SLC39A12: variants seen among roughly 807,000 people sequenced by gnomAD.
SLC39A12 encodes zinc transporter ZIP12.
Under a neutral mutation model 71.1 loss-of-function variants are expected in SLC39A12, and 63 were observed. The observed-to-expected ratio is 0.89, with a 90% CI of 0.72 to 1.09. SLC39A12 has a LOEUF of 1.09. SLC39A12 is among the 50% of genes least tolerant of loss of function. The pLI is 0.00. For missense variants in SLC39A12, 892 were observed against 812.6 expected, an observed-to-expected ratio of 1.10 and a Z score of -1.19; for synonymous variants, 351 against 301.3, an observed-to-expected ratio of 1.16 and a Z score of -1.71.
chr10:17,981,041 A>T (rs191899684), intron 5 of SLC39A12, among the ~76,000 whole-genome samples: 4 of 152,292 alleles, frequency 2.6e-5, no homozygotes, highest in Admixed American at 2.0e-4. Context: ...GTAAAACACA[A>T]TGTGTCTTTC....
intron 2 of SLC39A12, among the ~76,000 whole-genome samples, chr10:17,955,545 T>A (rs1834518933): frequency 6.6e-6 from 1 of 152,198 alleles, no homozygotes; most frequent in African/African-American, 2.4e-5. Flanking sequence ...TGTTCTGTCA[T>A]CTGAGGGACT....
intron 7 of SLC39A12, among the ~76,000 whole-genome samples, chr10:17,990,644 A>T (rs537872351): frequency 5.9e-5 from 9 of 152,104 alleles, no homozygotes; most frequent in Non-Finnish European, 1.2e-4. Context: ...GTCATACAGT[A>T]TGCTCCCAAA....
intron 12 of SLC39A12, among the ~76,000 whole-genome samples, chr10:18,039,799 T>C (rs191242941): frequency 1.4e-4 from 22 of 152,286 alleles, no homozygotes; most frequent in Admixed American, 9.8e-4. Context: ...TACCATCAAA[T>C]GCAAGCTCTT....
chr10:17,961,561 G>A lies in SLC39A12; in HGVS notation c.262-20G>A, dbSNP rs781945465. The stretch of plus-strand genomic sequence containing the variant: ...GCTAAGCTTTGTTTCTTTTGTTGTT[G>A]TTATTGTTTTCTTCCACAGTGCTTT... On this transcript the variant is annotated intron_variant, in intron 2 of 12. Coordinates refer to ENST00000377369, the MANE Select transcript of SLC39A12 (RefSeq NM_001145195.2). 6.3e-7 allele frequency: 1 copy of A among 1,589,486 alleles called. No homozygotes were observed. The highest frequency in any genetic ancestry group is 8.5e-7 in the Non-Finnish European group (1 of 1,171,890).
At chr10:17,987,448 C>G (rs1835427354) in intron 6 of SLC39A12, 31 bp from the exon 7 acceptor site, 1 of 1,610,304 alleles carries the variant, frequency 6.2e-7, no homozygotes, top group East Asian at 2.2e-5. Flanking sequence ...GCACTGGGCA[C>G]TGACTGTGTT....
At chr10:17,955,850 G>T (rs199507525) in intron 2 of SLC39A12, among the ~76,000 whole-genome samples, 2 of 152,304 alleles carry the variant, frequency 1.3e-5, no homozygotes, top group East Asian at 3.9e-4. Flanking sequence ...AGAAGGGGTA[G>T]AATATAGTTT....
intron 4 of SLC39A12, among the ~76,000 whole-genome samples, chr10:17,972,678 G>A (rs998855583): frequency 1.3e-5 from 2 of 151,902 alleles, no homozygotes; most frequent in Non-Finnish European, 2.9e-5. Flanking sequence ...GGTTTCCATT[G>A]GCATGGAGTA....
At chr10:18,041,895 G>T (rs1247423907) in intron 12 of SLC39A12, among the ~76,000 whole-genome samples, 2 of 147,234 alleles carry the variant, frequency 1.4e-5, no homozygotes, top group Non-Finnish European at 3.0e-5. Context: ...ACACATATAT[G>T]TATATGTATA....
chr10:18,001,933 T>C (rs1485765773), intron 11 of SLC39A12: 1 of 151,684 alleles, frequency 6.6e-6, no homozygotes, highest in Non-Finnish European at 1.5e-5. Context: ...CTATTTTTTT[T>C]TTTTTTTTTG....
Position 17,956,543 on chromosome 10 carries a change from C to A in SLC39A12, c.261+3006C>A, listed in dbSNP as rs145719174. On this transcript the variant is annotated intron_variant, in intron 2 of 12. Transcript: ENST00000377369. ...AAAGTCAGATATAGGAGCTCAAGTTCCTTCTGTTCCCTGTGCCTCACAGCA... is the reference window on the plus strand; with the variant it reads ...AAAGTCAGATATAGGAGCTCAAGTTACTTCTGTTCCCTGTGCCTCACAGCA... Among the ~76,000 whole-genome samples, 11 of 152,302 alleles carry A rather than the reference C, an allele frequency of 7.2e-5. No individual in the cohort carries two copies. The East Asian group carries it at 2.1e-3, about 29-fold the overall frequency.
chr10:18,029,919 A>C (rs1836789139), intron 12 of SLC39A12, among the ~76,000 whole-genome samples: 1 of 151,604 alleles, frequency 6.6e-6, no homozygotes. Flanking sequence ...ATGGAGATTA[A>C]GAGAAGGTGG....
At chr10:17,972,179 T>C (rs990378835) in intron 4 of SLC39A12, among the ~76,000 whole-genome samples, 6 of 152,220 alleles carry the variant, frequency 3.9e-5, no homozygotes, top group South Asian at 2.1e-4. Context: ...TTTTATTTCA[T>C]TGTGGTCAGA....
At chr10:17,956,968 G>A (rs534111636) in intron 2 of SLC39A12, among the ~76,000 whole-genome samples, 7 of 151,826 alleles carry the variant, frequency 4.6e-5, no homozygotes, top group African/African-American at 9.7e-5. Flanking sequence ...ACACATACAC[G>A]TTCTCTCTTA....
At chr10:17,986,868 G>C (rs1309065812) in intron 6 of SLC39A12, among the ~76,000 whole-genome samples, 1 of 152,058 alleles carries the variant, frequency 6.6e-6, no homozygotes, top group Non-Finnish European at 1.5e-5. Context: ...AGCCAGGCCT[G>C]ATGGCACCTG....
At chr10:18,001,961 T>TA (rs1236475028) in intron 11 of SLC39A12, 4 of 151,090 alleles carry the variant, frequency 2.6e-5, no homozygotes, top group Admixed American at 2.6e-4. Flanking sequence ...TAACCATCTT[T>TA]ACCTCACCTC....
chr10:18,023,788 C>T (rs1836599903), intron 12 of SLC39A12, among the ~76,000 whole-genome samples: 1 of 152,142 alleles, frequency 6.6e-6, no homozygotes, highest in Non-Finnish European at 1.5e-5. Flanking sequence ...TCTGGGATTT[C>T]CTCCCCAGAG....
At position 18,000,795 on chromosome 10, in the gene SLC39A12, A is replaced by G. The variant is rs1426091190; in HGVS notation, c.1729A>G (p.Ile577Val). The change falls in exon 11 of 13, where the codon ATC (isoleucine) becomes GTC (valine). Residue 577 changes from isoleucine to valine, a missense_variant. Coordinates refer to ENST00000377369, the MANE Select transcript of SLC39A12 (RefSeq NM_001145195.2). Reference sequence around the variant, plus strand: ...GTCAGGAGTGACCACTACGATTGCTATCTTGTGTCATGAAATCCCACATGA... The same window carrying G: ...GTCAGGAGTGACCACTACGATTGCTGTCTTGTGTCATGAAATCCCACATGA... Reference protein sequence around the residue: ...SESGVTTTIAILCHEIPHEMG... With the variant: ...SESGVTTTIAVLCHEIPHEMG... 10 of 1,614,114 alleles carry G rather than the reference A, an allele frequency of 6.2e-6. No homozygotes were observed. Among genetic ancestry groups the G allele is most frequent in the Non-Finnish European group, 8.5e-6 (10 of 1,179,980 alleles).
chr10:17,996,336 G>C (rs1409417761), intron 10 of SLC39A12, among the ~76,000 whole-genome samples: 1 of 152,022 alleles, frequency 6.6e-6, no homozygotes, highest in East Asian at 1.9e-4. Flanking sequence ...AATAATTCTT[G>C]AAAGTTTTTC....
At chr10:17,993,421 A>ATAAATACTGTTTAC in intron 9 of SLC39A12, 130 bp downstream of exon 9, 4 of 687,660 alleles carry the variant, frequency 5.8e-6, no homozygotes, top group Non-Finnish European at 9.7e-6. Context: ...CTTAACTGTG[A>ATAAATACTGTTTAC]TAAATACTGT....
Sources: gnomAD v4.1 joint callset for allele counts (sites outside exome capture counted in the v4.1 genomes callset) on GRCh38, gnomAD v4.1.1 for gene constraint, MANE v1.5 for transcripts, NCBI Gene and HGNC (gene_info 2026-07-23, HGNC 2026-07-21) for gene names.